Variants in SOX5 observed in about 807,000 individuals in gnomAD.
SOX5 encodes the protein transcription factor SOX-5.
A neutral mutation model predicts 92.0 loss-of-function variants in SOX5; 9 were observed. The ratio of observed to expected loss-of-function variants is 0.10; its 90% CI spans 0.06 to 0.17. SOX5 has a LOEUF of 0.17. SOX5 is among the 10% of genes least tolerant of loss of function. SOX5 has a pLI of 1.00. For synonymous variants in SOX5, 344 were observed against 336.3 expected (o/e 1.02, Z -0.25); for missense variants, 642 against 944.5 (o/e 0.68, Z 4.20).
intron 2 of SOX5, among the ~76,000 whole-genome samples, chr12:24,351,339 T>C (rs1256625575): frequency 1.3e-5 from 2 of 152,142 alleles, no homozygotes; most frequent in Non-Finnish European, 2.9e-5. Flanking sequence ...AGCAAAAAAA[T>C]TTGACCCAGA....
chr12:23,612,890 G>A (rs1299559365), intron 8 of SOX5, among the ~76,000 whole-genome samples: 2 of 152,136 alleles, frequency 1.3e-5, no homozygotes, highest in Non-Finnish European at 2.9e-5. Flanking sequence ...GCTTCCTAAT[G>A]TAACTTAAAT....
rs143525570 is a variant in SOX5 at position 23,740,392 on chromosome 12, C to A, written c.741+475G>T. 4.5e-3 allele frequency among the ~76,000 whole-genome samples: 678 copies of A among 152,198 alleles called. 1 individual carries two copies. Among genetic ancestry groups the A allele is most frequent in the African/African-American group, 0.015 (629 of 41,510 alleles). Reference sequence around the variant, plus strand: ...TTCATCTCTTTGTCCACGGTCATTACCCTGACTAATTTAGATTCTCACTCT... The same window carrying A: ...TTCATCTCTTTGTCCACGGTCATTAACCTGACTAATTTAGATTCTCACTCT... On this transcript the variant is annotated intron_variant, in intron 5 of 14. Coordinates refer to ENST00000451604, the MANE Select transcript of SOX5 (RefSeq NM_006940.6).
At chr12:24,219,333 G>A (rs908217305) in intron 3 of SOX5, among the ~76,000 whole-genome samples, 4 of 151,978 alleles carry the variant, frequency 2.6e-5, no homozygotes, top group East Asian at 1.9e-4. Flanking sequence ...ACAAAGAAAC[G>A]ATAATTGCTT....
At chr12:23,695,172 T>C (rs532559745) in intron 6 of SOX5, among the ~76,000 whole-genome samples, 4 of 151,738 alleles carry the variant, frequency 2.6e-5, no homozygotes, top group Admixed American at 6.6e-5. Flanking sequence ...ATTTCTGAAC[T>C]CTGTTCTGTT....
At chr12:24,022,251 A>T (rs1443411318) in intron 4 of SOX5, among the ~76,000 whole-genome samples, 1 of 152,162 alleles carries the variant, frequency 6.6e-6, no homozygotes, top group African/African-American at 2.4e-5. Context: ...TCAGATATAA[A>T]GTAAGAATAC....
At chr12:24,435,739 G>A (rs528693695) in intron 1 of SOX5, among the ~76,000 whole-genome samples, 1 of 151,472 alleles carries the variant, frequency 6.6e-6, no homozygotes, top group Non-Finnish European at 1.5e-5. Flanking sequence ...TCACTTTATT[G>A]CACTTCACAG....
chr12:23,871,116 A>T (rs1415819944), intron 2 of SOX5, among the ~76,000 whole-genome samples: 1 of 152,160 alleles, frequency 6.6e-6, no homozygotes, highest in African/African-American at 2.4e-5. Flanking sequence ...ACTGTGAGAA[A>T]AATATTTAGA....
chr12:24,213,566 T>C (rs1046675077), intron 3 of SOX5: 15 of 149,948 alleles, frequency 1.0e-4, no homozygotes, highest in African/African-American at 3.7e-4. Flanking sequence ...TATTGCAAAA[T>C]GTTGGAAAAA....
intron 4 of SOX5, among the ~76,000 whole-genome samples, chr12:23,960,088 C>A (rs907153415): frequency 2.0e-5 from 3 of 152,076 alleles, no homozygotes; most frequent in Admixed American, 6.5e-5. Flanking sequence ...ATATACCAAG[C>A]AGGGGTTAGT....
chr12:23,620,179 A>G (rs559886867), intron 8 of SOX5, among the ~76,000 whole-genome samples: 1 of 152,256 alleles, frequency 6.6e-6, no homozygotes, highest in South Asian at 2.1e-4. Context: ...AACTGGCAGA[A>G]AAACTACGTG....
At chr12:24,265,556 G>T (rs1183870583) in intron 3 of SOX5, among the ~76,000 whole-genome samples, 1 of 151,928 alleles carries the variant, frequency 6.6e-6, no homozygotes, top group African/African-American at 2.4e-5. Flanking sequence ...AAAAAGAAAA[G>T]AAAAATAATA....
intron 4 of SOX5, among the ~76,000 whole-genome samples, chr12:24,113,731 T>C (rs1007676379): frequency 6.6e-6 from 1 of 152,176 alleles, no homozygotes; most frequent in Non-Finnish European, 1.5e-5. Flanking sequence ...AAGCAAAATC[T>C]AGAAAACTGC....
At chr12:24,425,748 C>T (rs1046030903) in intron 1 of SOX5, among the ~76,000 whole-genome samples, 1 of 152,136 alleles carries the variant, frequency 6.6e-6, no homozygotes, top group Non-Finnish European at 1.5e-5. Context: ...AGAAACTATG[C>T]ATAGCAACAA....
intron 2 of SOX5, among the ~76,000 whole-genome samples, chr12:23,891,897 T>C (rs11047150): frequency 6.6e-6 from 1 of 152,136 alleles, no homozygotes; most frequent in South Asian, 2.1e-4. Context: ...TATACATTAG[T>C]AGATTCTACT....
intron 1 of SOX5, among the ~76,000 whole-genome samples, chr12:24,379,600 G>A (rs1434477490): frequency 6.6e-6 from 1 of 152,040 alleles, no homozygotes; most frequent in Non-Finnish European, 1.5e-5. Context: ...CTCCCATATG[G>A]AGAAATCTCT....
chr12:24,021,084 G>T lies in SOX5; in HGVS notation c.-1-125060C>A, dbSNP rs932568541. ...CAGGAGCGAGTGACATCATTGGCAG[G>T]GCATTGGGAAGGTTTTCTTACTCCA... On this transcript the variant is annotated intron_variant, in intron 4 of 4. Coordinates refer to the SOX5 transcript ENST00000446891. Among the ~76,000 whole-genome samples the T allele has an allele frequency of 5.9e-5, 9 of 152,212 alleles. No individual in the cohort carries two copies. In the East Asian group the frequency reaches 1.7e-3, roughly 29 times the overall value.
chr12:24,129,436 T>G (rs1842578113), intron 4 of SOX5, among the ~76,000 whole-genome samples: 1 of 152,202 alleles, frequency 6.6e-6, no homozygotes, highest in Non-Finnish European at 1.5e-5. Context: ...CTTTGGGGTG[T>G]TCCTCTCCCA....
At chr12:23,965,018 C>T (rs535430522) in intron 4 of SOX5, among the ~76,000 whole-genome samples, 102 of 152,128 alleles carry the variant, frequency 6.7e-4, no homozygotes, top group African/African-American at 2.3e-3. Flanking sequence ...CAGCTCCCAG[C>T]AGCCCCCAGG....
intron 4 of SOX5, among the ~76,000 whole-genome samples, chr12:24,181,114 T>C (rs1955453692): frequency 6.6e-6 from 1 of 152,236 alleles, no homozygotes. Flanking sequence ...AAAAACTAGC[T>C]GTATTGCATC....
Sources: gnomAD v4.1 joint callset for allele counts (sites outside exome capture counted in the v4.1 genomes callset) on GRCh38, gnomAD v4.1.1 for gene constraint, MANE v1.5 for transcripts, NCBI Gene and HGNC (gene_info 2026-07-23, HGNC 2026-07-21) for gene names.